JAK2: variants seen among roughly 807,000 people sequenced by gnomAD.
JAK2 encodes tyrosine-protein kinase JAK2.
Under a neutral mutation model 139.3 loss-of-function variants are expected in JAK2, and 86 were observed. That is an observed-to-expected ratio of 0.62 (90% CI 0.52 to 0.74). The LOEUF (loss-of-function observed/expected upper bound fraction) is 0.74. Ranked by LOEUF, JAK2 falls within the 30% of genes least tolerant of loss-of-function variation. The pLI is 0.00. For synonymous variants in JAK2, 490 were observed against 437.7 expected (o/e 1.12, Z -1.49); for missense variants, 1,421 against 1,360.3 (o/e 1.04, Z -0.70).
In JAK2 at chr9:5,022,161, A is replaced by G; in HGVS notation, c.174A>G (p.Pro58=). The change falls in exon 3 of 25, where the codon CCA becomes CCG. Residue 58 remains proline (P), a synonymous_variant. Coordinates refer to ENST00000381652, the MANE Select transcript of JAK2 (RefSeq NM_004972.4). ...CTGAGGCAGATTATCTGACCTTTCC[A>G]TCTGGGGAGTATGTTGCAGAAGAAA... ...GKSEADYLTF[P]SGEYVAEEIC... 6.2e-7 allele frequency: 1 copy of G among 1,614,182 alleles called. No homozygotes were observed.
Position 5,090,988 on chromosome 9 carries a change from C to T in JAK2, c.3059+77C>T, listed in dbSNP as rs1820529051. ...TTTATTGTTGTTATTTAATAGTTTGCCATTTCTATATTTACAGTAACAGTG... is the reference window on the plus strand; with the variant it reads ...TTTATTGTTGTTATTTAATAGTTTGTCATTTCTATATTTACAGTAACAGTG... On this transcript the variant is annotated intron_variant, in intron 22 of 24. Transcript: ENST00000381652. 9.2e-6 allele frequency: 10 copies of T among 1,083,772 alleles called. 1 individual carries two copies. Among genetic ancestry groups the T allele is most frequent in the South Asian group, 3.4e-5 (2 of 58,788 alleles). The allele number at this position is 1,083,772 out of a possible 1,614,324, so 67.1% of individuals were successfully genotyped here. A position where few individuals can be genotyped will look rare whatever the true frequency, so the allele number is the denominator to read the frequency against.
rs117576249 is a variant in JAK2, at chr9:5,023,192, A to G, written c.226+979A>G. 3.9e-3 allele frequency among the ~76,000 whole-genome samples: 588 copies of G among 152,286 alleles called. 1 individual carries two copies. The highest frequency in any genetic ancestry group is 7.1e-3 in the Non-Finnish European group (480 of 68,022). On this transcript the variant is annotated intron_variant, in intron 3 of 24. Transcript: ENST00000381652. ...CCATATAACCTTGCCAGTCTCTGCT[A>G]CCAATCCACTCTACCTTCATGTGAT... is the stretch of plus-strand genomic sequence containing the variant.
At chr9:5,106,742 C>T (rs1281685520) in intron 22 of JAK2, among the ~76,000 whole-genome samples, 1 of 152,130 alleles carries the variant, frequency 6.6e-6, no homozygotes. Context: ...AGTTCATGTC[C>T]TTTGCAGGGA....
At chr9:5,024,109 A>G (rs899880086) in intron 3 of JAK2, among the ~76,000 whole-genome samples, 11 of 152,136 alleles carry the variant, frequency 7.2e-5, no homozygotes, top group African/African-American at 2.7e-4. Context: ...ACAAAAAATT[A>G]GCCAGGTGTG....
At chr9:5,122,930 C>A in intron 22 of JAK2, 74 bp from the exon 23 acceptor site, 3 of 865,394 alleles carry the variant, frequency 3.5e-6, no homozygotes, top group Non-Finnish European at 5.4e-6. Flanking sequence ...TTAATTTATA[C>A]AATGATTTGC....
intron 19 of JAK2, among the ~76,000 whole-genome samples, chr9:5,082,233 C>T (rs960639832): frequency 6.6e-6 from 1 of 152,174 alleles, no homozygotes; most frequent in Non-Finnish European, 1.5e-5. Flanking sequence ...TTCACTATCT[C>T]AGCAAGAGGA....
intron 4 of JAK2, among the ~76,000 whole-genome samples, chr9:5,042,212 A>C (rs924698875): frequency 1.3e-4 from 19 of 141,128 alleles, no homozygotes; most frequent in South Asian, 1.3e-3. Flanking sequence ...ATCTCGGCTC[A>C]CTGCAAGCTC....
At chr9:5,028,256 G>A (rs904040375) in intron 3 of JAK2, among the ~76,000 whole-genome samples, 3 of 152,160 alleles carry the variant, frequency 2.0e-5, no homozygotes, top group Admixed American at 2.0e-4. Context: ...AGAGCTCTTG[G>A]GTGACCAGGT....
intron 6 of JAK2, among the ~76,000 whole-genome samples, chr9:5,053,138 G>C (rs896639453): frequency 1.3e-5 from 2 of 151,914 alleles, no homozygotes; most frequent in Non-Finnish European, 1.5e-5. Flanking sequence ...AACTCTTTCC[G>C]CACTTGTTTC....
chr9:5,042,057 G>T, intron 4 of JAK2: 1 of 244,456 alleles, frequency 4.1e-6, no homozygotes, highest in South Asian at 4.7e-5. Context: ...AGACTGCAGG[G>T]TCTTGGCCGG....
intron 8 of JAK2, among the ~76,000 whole-genome samples, chr9:5,064,558 A>G (rs933278767): frequency 2.0e-5 from 3 of 152,032 alleles, no homozygotes; most frequent in Non-Finnish European, 4.4e-5. Flanking sequence ...GGAAATGCTC[A>G]TGATTTCTAA....
intron 3 of JAK2, among the ~76,000 whole-genome samples, chr9:5,024,656 T>C (rs888998150): frequency 2.6e-5 from 4 of 152,144 alleles, no homozygotes; most frequent in Non-Finnish European, 5.9e-5. Flanking sequence ...GTTTTCAGTG[T>C]GTTTATTGTT....
At chr9:5,015,244 G>A (rs1002825322) in intron 2 of JAK2, among the ~76,000 whole-genome samples, 4 of 152,172 alleles carry the variant, frequency 2.6e-5, no homozygotes, top group Non-Finnish European at 5.9e-5. Context: ...TTCTTGTAAT[G>A]TGTCTCTTGG....
intron 2 of JAK2, 58 bp from the exon 3 acceptor site, chr9:5,021,905 T>C: frequency 2.0e-6 from 2 of 1,003,800 alleles, no homozygotes; most frequent in South Asian, 3.0e-5. Flanking sequence ...AGTGCTAGGA[T>C]TACAGGTGTG....
At position 5,117,880 on chromosome 9, in the gene JAK2, TTA is replaced by T. The variant is rs764700265; in HGVS notation, c.3060-5122_3060-5121del. ...TAGTAGAGAGGCAGCTAATTAGATTTTATGAGGATCTAGGCCACTGGTTTTCA... is the reference window on the plus strand; with the variant it reads ...TAGTAGAGAGGCAGCTAATTAGATTTTGAGGATCTAGGCCACTGGTTTTCA... On this transcript the variant is annotated intron_variant, in intron 22 of 24. Transcript: ENST00000381652. 3.2e-4 allele frequency among the ~76,000 whole-genome samples: 49 copies of T among 152,282 alleles called. 1 individual carries two copies. Among genetic ancestry groups the T allele is most frequent in the East Asian group, 2.9e-3 (15 of 5,192 alleles).
chr9:5,097,444 A>T (rs116391816), intron 22 of JAK2: 65 of 152,320 alleles, frequency 4.3e-4, no homozygotes, highest in African/African-American at 1.4e-3. Flanking sequence ...TTACTCTGGA[A>T]AAAAGGAGCC....
At chr9:5,121,756 A>T (rs946784613) in intron 22 of JAK2, among the ~76,000 whole-genome samples, 8 of 152,144 alleles carry the variant, frequency 5.3e-5, no homozygotes, top group African/African-American at 1.9e-4. Flanking sequence ...ATTTTCAACA[A>T]GGGGAATTAA....
At chr9:5,068,554 G>C (rs979674069) in intron 10 of JAK2, among the ~76,000 whole-genome samples, 1 of 152,182 alleles carries the variant, frequency 6.6e-6, no homozygotes, top group African/African-American at 2.4e-5. Context: ...TAGGTAGAAA[G>C]ATAGCATGAA....
intron 22 of JAK2, among the ~76,000 whole-genome samples, chr9:5,092,299 T>C (rs750017025): frequency 2.8e-4 from 42 of 152,132 alleles, no homozygotes; most frequent in Non-Finnish European, 5.7e-4. Context: ...ACACTGCCTG[T>C]CACCCTCCGC....
Sources: gnomAD v4.1 joint callset for allele counts (sites outside exome capture counted in the v4.1 genomes callset) on GRCh38, gnomAD v4.1.1 for gene constraint, MANE v1.5 for transcripts, NCBI Gene and HGNC (gene_info 2026-07-23, HGNC 2026-07-21) for gene names.